MIPOL1: variants seen among roughly 807,000 people sequenced by gnomAD.
MIPOL1 encodes mirror-image polydactyly 1.
MIPOL1 carries 57 observed loss-of-function variants against 60.9 expected under a neutral mutation model. The observed-to-expected ratio is 0.94, with a 90% CI of 0.76 to 1.17. MIPOL1 has a LOEUF of 1.17. MIPOL1 is among the 50% of genes most tolerant of loss of function. The pLI is 0.00. For missense variants in MIPOL1, 551 were observed against 511.6 expected, an observed-to-expected ratio of 1.08 and a Z score of -0.74; for synonymous variants, 179 against 168.8, an observed-to-expected ratio of 1.06 and a Z score of -0.47.
At chr14:37,532,603 C>T (rs1027674535) in intron 12 of MIPOL1, among the ~76,000 whole-genome samples, 3 of 152,158 alleles carry the variant, frequency 2.0e-5, no homozygotes, top group Non-Finnish European at 4.4e-5. Flanking sequence ...AACCTGTCTC[C>T]TGGTAAAATC....
intron 9 of MIPOL1, among the ~76,000 whole-genome samples, chr14:37,359,597 A>G (rs1421972148): frequency 3.0e-5 from 4 of 134,536 alleles, no homozygotes; most frequent in African/African-American, 5.6e-5. Flanking sequence ...CTTTGTAGCA[A>G]TTGTGAATGG....
At chr14:37,216,442 ATAGT>A (rs1414648456) in intron 1 of MIPOL1, among the ~76,000 whole-genome samples, 4 of 152,166 alleles carry the variant, frequency 2.6e-5, no homozygotes, top group African/African-American at 9.6e-5. Flanking sequence ...GACCTAATAG[ATAGT>A]TACAGAACAT....
chr14:37,552,147 T>C (rs1447972670), downstream of MIPOL1: 1 of 152,050 alleles, frequency 6.6e-6, no homozygotes, highest in Non-Finnish European at 1.5e-5. Flanking sequence ...AAGTGGGCAG[T>C]AGGTGTCTTT....
intron 12 of MIPOL1, among the ~76,000 whole-genome samples, chr14:37,520,205 T>C (rs2095403108): frequency 1.3e-5 from 2 of 152,156 alleles, no homozygotes; most frequent in African/African-American, 4.8e-5. Context: ...ATTGATATAT[T>C]ATCTCTACTA....
intron 11 of MIPOL1, among the ~76,000 whole-genome samples, chr14:37,493,275 C>T (rs565367641): frequency 5.5e-4 from 84 of 152,234 alleles, no homozygotes; most frequent in African/African-American, 2.0e-3. Context: ...GTTCAATGAA[C>T]AGGTAGGCAG....
At chr14:37,356,943 A>T (rs1419689108) in intron 9 of MIPOL1, among the ~76,000 whole-genome samples, 2 of 151,964 alleles carry the variant, frequency 1.3e-5, no homozygotes, top group Non-Finnish European at 2.9e-5. Context: ...CCAGGATCTC[A>T]TTTTTTTATG....
chr14:37,299,621 A>T (rs1224783514), intron 7 of MIPOL1, among the ~76,000 whole-genome samples: 1 of 152,108 alleles, frequency 6.6e-6, no homozygotes, highest in Non-Finnish European at 1.5e-5. Context: ...TAAAAAGTGT[A>T]GAATAGTTTT....
intron 12 of MIPOL1, among the ~76,000 whole-genome samples, chr14:37,526,622 C>G (rs1337006324): frequency 6.7e-6 from 1 of 150,326 alleles, no homozygotes; most frequent in Non-Finnish European, 1.5e-5. Context: ...ACCTTGTGAT[C>G]TGCCTGCCTC....
chr14:37,430,017 C>T (rs922143335), intron 11 of MIPOL1, among the ~76,000 whole-genome samples: 1 of 152,098 alleles, frequency 6.6e-6, no homozygotes, highest in African/African-American at 2.4e-5. Context: ...ATCCTGACCT[C>T]GTTAGTTGTA....
chr14:37,495,813 T>C lies in MIPOL1; in HGVS notation c.1032-4095T>C, dbSNP rs375076319. On this transcript the variant is annotated intron_variant, in intron 11 of 12. Transcript: ENST00000684589. The stretch of plus-strand genomic sequence containing the variant: ...ACCTGTTTCCTAACTTTTTAATGAT[T>C]GCCATTCTAACTGGTGTGAGATGGT... Among the ~76,000 whole-genome samples the C allele has an allele frequency of 8.9e-3, 1,357 of 151,810 alleles. 25 individuals carry two copies. Among genetic ancestry groups the C allele is most frequent in the African/African-American group, 0.031 (1,282 of 41,332 alleles).
intron 12 of MIPOL1, among the ~76,000 whole-genome samples, chr14:37,520,652 AT>A (rs937521286): frequency 2.0e-5 from 3 of 151,958 alleles, no homozygotes; most frequent in Admixed American, 6.6e-5. Context: ...TTTTAAACAT[AT>A]TTTTTTGCAT....
At position 37,229,592 on chromosome 14, in the gene MIPOL1, T is replaced by C. The variant is rs551780743; in HGVS notation, c.-198-17511T>C. Among the ~76,000 whole-genome samples, 5 of 152,298 alleles carry C rather than the reference T, an allele frequency of 3.3e-5. No homozygotes were observed. In the East Asian group the frequency reaches 9.6e-4, roughly 29 times the overall value. On this transcript the variant is annotated intron_variant, in intron 1 of 12. Coordinates refer to ENST00000684589, the MANE Select transcript of MIPOL1 (RefSeq NM_001388067.1). ...ATTAAGTCAACAACATGAAGAGATATATACTTAAATTCCATATTGAGTTTA... is the reference window on the plus strand; with the variant it reads ...ATTAAGTCAACAACATGAAGAGATACATACTTAAATTCCATATTGAGTTTA...
chr14:37,356,333 G>A (rs1328069235), intron 9 of MIPOL1, among the ~76,000 whole-genome samples: 1 of 151,842 alleles, frequency 6.6e-6, no homozygotes, highest in African/African-American at 2.4e-5. Context: ...GGACATTTAA[G>A]TCTGCAGAGG....
At chr14:37,462,976 C>T (rs191983619) in intron 11 of MIPOL1, among the ~76,000 whole-genome samples, 15 of 152,272 alleles carry the variant, frequency 9.9e-5, no homozygotes, top group Non-Finnish European at 2.1e-4. Context: ...TCCACATTTT[C>T]GGGTATCTTT....
At chr14:37,406,498 A>G (rs2093589971) in intron 10 of MIPOL1, among the ~76,000 whole-genome samples, 1 of 152,154 alleles carries the variant, frequency 6.6e-6, no homozygotes, top group Non-Finnish European at 1.5e-5. Context: ...AAATAGTGTC[A>G]TTTTGAGAAA....
At chr14:37,211,934 G>T (rs909987726) in intron 1 of MIPOL1, among the ~76,000 whole-genome samples, 3 of 151,970 alleles carry the variant, frequency 2.0e-5, no homozygotes, top group Admixed American at 6.6e-5. Flanking sequence ...CCACGTCCTA[G>T]CTCCCAGATG....
intron 9 of MIPOL1, among the ~76,000 whole-genome samples, chr14:37,358,542 G>C (rs2092005627): frequency 6.6e-6 from 1 of 152,186 alleles, no homozygotes; most frequent in Non-Finnish European, 1.5e-5. Context: ...ACTGGTGTGA[G>C]ATGGTATCTC....
intron 1 of MIPOL1, among the ~76,000 whole-genome samples, chr14:37,223,431 T>C (rs1969162037): frequency 6.6e-6 from 1 of 152,178 alleles, no homozygotes; most frequent in Non-Finnish European, 1.5e-5. Flanking sequence ...TTGCTCTGTA[T>C]AGACATATGA....
At chr14:37,401,867 A>G (rs2093489003) in intron 10 of MIPOL1, 2 of 152,182 alleles carry the variant, frequency 1.3e-5, no homozygotes, top group Admixed American at 1.3e-4. Flanking sequence ...AAAATATGTT[A>G]CATACAATAA....
Sources: allele counts gnomAD v4.1 joint callset (sites outside exome capture counted in the v4.1 genomes callset), GRCh38; gene constraint gnomAD v4.1.1; transcripts MANE v1.5; gene names NCBI Gene and HGNC (gene_info 2026-07-23, HGNC 2026-07-21).